Variants in ZNF679 observed in about 807,000 individuals in gnomAD.
The protein encoded by ZNF679 is hypothetical protein MGC42415.
Under a neutral mutation model 13.4 loss-of-function variants are expected in ZNF679, and 10 were observed. That is an observed-to-expected ratio of 0.75 (90% CI 0.46 to 1.27). ZNF679 has a LOEUF of 1.27. ZNF679 is among the 50% of genes most tolerant of loss of function. ZNF679 has a pLI of 0.00. For synonymous variants in ZNF679, 179 were observed against 162.5 expected (o/e 1.10, Z -0.77); for missense variants, 525 against 477.8 (o/e 1.10, Z -0.92).
At chr7:64,258,379 C>T (rs1380103624) in intron 2 of ZNF679, among the ~76,000 whole-genome samples, 2 of 152,038 alleles carry the variant, frequency 1.3e-5, no homozygotes, top group East Asian at 3.9e-4. Context: ...AAAAAAATCA[C>T]TTTTTCTTGG....
chr7:64,265,098 T>G (rs1266820823), intron 4 of ZNF679, among the ~76,000 whole-genome samples: 1 of 152,106 alleles, frequency 6.6e-6, no homozygotes. Flanking sequence ...TTTTCAAAAT[T>G]TTTGATTTTT....
chr7:64,230,683 C>G (rs1234830572), intron 1 of ZNF679, among the ~76,000 whole-genome samples: 1 of 152,134 alleles, frequency 6.6e-6, no homozygotes, highest in African/African-American at 2.4e-5. Flanking sequence ...AGGTATATGT[C>G]ACAATCACAC....
In ZNF679 at chr7:64,231,025, CCTGA is replaced by C. The variant is rs1463169358; in HGVS notation, c.-91+2377_-91+2380del. Among the ~76,000 whole-genome samples, 16 of 152,306 alleles carry C rather than the reference CCTGA, an allele frequency of 1.1e-4. No homozygotes were observed. The East Asian group carries it at 3.1e-3, about 29-fold the overall frequency. ...TGTGTCCATGTGGCAAAGTGACAAT[CCTGA>C]CTGTTGGCCGTGCCTATGAGAGTCA... is the stretch of plus-strand genomic sequence containing the variant. On this transcript the variant is annotated intron_variant, in intron 1 of 4. Transcript: ENST00000421025.
intron 2 of ZNF679, among the ~76,000 whole-genome samples, chr7:64,249,851 A>AT (rs922816344): frequency 1.1e-4 from 16 of 151,842 alleles, no homozygotes; most frequent in African/African-American, 3.4e-4. Flanking sequence ...GAAATGCAAT[A>AT]TTTTTTTTGA....
intron 3 of ZNF679, 23 bp downstream of exon 3, chr7:64,260,370 A>T: frequency 1.3e-6 from 2 of 1,581,638 alleles, no homozygotes; most frequent in Non-Finnish European, 1.7e-6. Context: ...TCAATACACA[A>T]TTCCTAATAT....
intron 1 of ZNF679, among the ~76,000 whole-genome samples, chr7:64,236,922 GA>G (rs58504724): frequency 3.0e-4 from 26 of 85,392 alleles, no homozygotes; most frequent in African/African-American, 1.2e-3. Context: ...AAGAAAGAAA[GA>G]AGAAAGAAAG....
intron 2 of ZNF679, among the ~76,000 whole-genome samples, chr7:64,249,359 TC>T (rs1412491605): frequency 2.0e-5 from 3 of 152,178 alleles, no homozygotes; most frequent in Non-Finnish European, 2.9e-5. Flanking sequence ...GAATTCTTTT[TC>T]CTTTGCAGTG....
intron 1 of ZNF679, among the ~76,000 whole-genome samples, chr7:64,231,357 C>T (rs891624277): frequency 6.6e-6 from 1 of 152,174 alleles, no homozygotes; most frequent in Non-Finnish European, 1.5e-5. Context: ...GCCAATATTT[C>T]CCTTGTGAGC....
intron 4 of ZNF679, among the ~76,000 whole-genome samples, chr7:64,261,982 G>A (rs1356108772): frequency 6.6e-6 from 1 of 151,254 alleles, no homozygotes; most frequent in Non-Finnish European, 1.5e-5. Context: ...TCAGCCTCCT[G>A]AGTAACTGGG....
intron 1 of ZNF679, among the ~76,000 whole-genome samples, chr7:64,239,617 C>T (rs1018500374): frequency 3.9e-5 from 6 of 152,176 alleles, no homozygotes; most frequent in Non-Finnish European, 8.8e-5. Flanking sequence ...TATTGAGCAC[C>T]TAGGTGATGT....
At chr7:64,240,894 A>T (rs746703894) in intron 1 of ZNF679, among the ~76,000 whole-genome samples, 1 of 152,196 alleles carries the variant, frequency 6.6e-6, no homozygotes, top group Non-Finnish European at 1.5e-5. Context: ...TCTCACCAAC[A>T]GACTGTGTTT....
intron 2 of ZNF679, among the ~76,000 whole-genome samples, chr7:64,254,059 T>C (rs1787973231): frequency 1.3e-5 from 2 of 152,150 alleles, no homozygotes; most frequent in South Asian, 4.1e-4. Context: ...GAACGTTTCT[T>C]TCTGTTAAGC....
chr7:64,229,694 T>A (rs1432708789), intron 1 of ZNF679, among the ~76,000 whole-genome samples: 1 of 152,200 alleles, frequency 6.6e-6, no homozygotes, highest in Non-Finnish European at 1.5e-5. Flanking sequence ...GACCCTTACC[T>A]GTGTCCCTAA....
At chr7:64,259,337 G>A (rs1046277027) in intron 2 of ZNF679, among the ~76,000 whole-genome samples, 3 of 152,196 alleles carry the variant, frequency 2.0e-5, no homozygotes, top group African/African-American at 7.2e-5. Flanking sequence ...ATGAGAAGGT[G>A]TGGATACTCA....
intron 1 of ZNF679, among the ~76,000 whole-genome samples, chr7:64,248,325 C>A (rs1393488236): frequency 6.6e-6 from 1 of 151,992 alleles, no homozygotes; most frequent in Admixed American, 6.6e-5. Flanking sequence ...CTCTTTCGCC[C>A]AGGCTGCAGT....
At chr7:64,261,110 T>C (rs1788071660) in intron 4 of ZNF679, among the ~76,000 whole-genome samples, 181 bp downstream of exon 4, 1 of 152,186 alleles carries the variant, frequency 6.6e-6, no homozygotes, top group African/African-American at 2.4e-5. Flanking sequence ...TGCTTTTAAA[T>C]TCTCTAAGGA....
At chr7:64,238,190 A>C (rs1279488723) in intron 1 of ZNF679, among the ~76,000 whole-genome samples, 1 of 152,006 alleles carries the variant, frequency 6.6e-6, no homozygotes, top group Non-Finnish European at 1.5e-5. Flanking sequence ...GCAAACATAC[A>C]ACTCCTCTTC....
At position 64,266,406 on chromosome 7, in the gene ZNF679, A is replaced by C; in HGVS notation, c.773A>C (p.His258Pro). 1 of 1,613,136 alleles carries C rather than the reference A, an allele frequency of 6.2e-7. No homozygotes were observed. The highest frequency in any genetic ancestry group is 8.5e-7 in the Non-Finnish European group (1 of 1,179,490). Residue 258 changes from histidine (H) to proline (P), a missense_variant, in exon 5 of 5, where the codon CAT becomes CCT. Physicochemically the swap from His to Pro is moderately conservative, Grantham distance 77. Transcript: ENST00000421025. Reference sequence around the variant, plus strand: ...ACCTGGTCCTCAACCCTTACTAAACATAGGAGAATTCATACTGGAGAAAAA... The same window carrying C: ...ACCTGGTCCTCAACCCTTACTAAACCTAGGAGAATTCATACTGGAGAAAAA... ...AFTWSSTLTK[H>P]RRIHTGEKPY...
At chr7:64,259,985 C>A (rs1333639142) in intron 2 of ZNF679, among the ~76,000 whole-genome samples, 4 of 151,652 alleles carry the variant, frequency 2.6e-5, no homozygotes, top group African/African-American at 9.7e-5. Flanking sequence ...CATATTGATG[C>A]CCTTAATTTA....
Sources: allele counts gnomAD v4.1 joint callset (sites outside exome capture counted in the v4.1 genomes callset), GRCh38; gene constraint gnomAD v4.1.1; transcripts MANE v1.5; gene names NCBI Gene and HGNC (gene_info 2026-07-23, HGNC 2026-07-21).